Variants in NAALADL2 observed in about 807,000 individuals in gnomAD.
NAALADL2 encodes the protein N-acetylated alpha-linked acidic dipeptidase like 2.
A neutral mutation model predicts 87.2 loss-of-function variants in NAALADL2; 76 were observed. The ratio of observed to expected loss-of-function variants is 0.87; its 90% CI spans 0.72 to 1.05. NAALADL2 has a LOEUF of 1.05. NAALADL2 is among the 50% of genes least tolerant of loss of function. NAALADL2 has a pLI of 0.00. For synonymous variants in NAALADL2, 354 were observed against 331.0 expected (o/e 1.07, Z -0.75); for missense variants, 1,089 against 945.8 (o/e 1.15, Z -1.99).
intron 1 of NAALADL2, among the ~76,000 whole-genome samples, chr3:174,521,124 TG>T (rs1376965410): frequency 6.6e-6 from 1 of 152,124 alleles, no homozygotes; most frequent in Non-Finnish European, 1.5e-5. Context: ...GAACTAAAAA[TG>T]GAATTATTTA....
At position 175,423,108 on chromosome 3, in the gene NAALADL2, G is replaced by C. The variant is rs185665005; in HGVS notation, c.1091-24121G>C. On this transcript the variant is annotated intron_variant, in intron 5 of 13. Transcript: ENST00000454872. Reference sequence around the variant, plus strand: ...AAGAGGTTTATTTAGCTTTTAAAAAGATTTGCATGCATTTCAAAGGGAAAG... The same window carrying C: ...AAGAGGTTTATTTAGCTTTTAAAAACATTTGCATGCATTTCAAAGGGAAAG... Among the ~76,000 whole-genome samples, 49 of 138,122 alleles carry C rather than the reference G, an allele frequency of 3.5e-4. No homozygotes were observed. In the East Asian group the frequency reaches 0.01, roughly 29 times the overall value. 90.6% of individuals were successfully genotyped at this position (138,122 alleles called of 152,430 possible).
At chr3:174,701,846 G>A (rs907706607) in intron 2 of NAALADL2, among the ~76,000 whole-genome samples, 7 of 151,966 alleles carry the variant, frequency 4.6e-5, no homozygotes, top group South Asian at 2.1e-4. Flanking sequence ...TTCATGTGTC[G>A]GACATTTGGA....
At chr3:175,191,287 C>A (rs1261916881) in intron 2 of NAALADL2, among the ~76,000 whole-genome samples, 2 of 152,100 alleles carry the variant, frequency 1.3e-5, no homozygotes, top group Non-Finnish European at 2.9e-5. Flanking sequence ...ATAGCCAATT[C>A]AGGCACATTC....
intron 10 of NAALADL2, among the ~76,000 whole-genome samples, chr3:175,588,980 T>G (rs1325309635): frequency 6.6e-6 from 1 of 152,234 alleles, no homozygotes; most frequent in South Asian, 2.1e-4. Context: ...TGGTGTGTTT[T>G]ATAACCCATA....
Position 174,893,313 on chromosome 3 carries a change from C to G in NAALADL2, c.43+33863C>G, listed in dbSNP as rs1009954498. On this transcript the variant is annotated intron_variant, in intron 1 of 13. Transcript: ENST00000454872. Reference sequence around the variant, plus strand: ...AAATATCAAAGGGAGTACTTCAACCCCCCCCCGCAAAAAGTTATTATTGAG... The same window carrying G: ...AAATATCAAAGGGAGTACTTCAACCGCCCCCCGCAAAAAGTTATTATTGAG... 1.7e-4 allele frequency among the ~76,000 whole-genome samples: 24 copies of G among 142,430 alleles called. No individual in the cohort carries two copies. The South Asian group carries it at 5.4e-3, about 32-fold the overall frequency. The allele number at this position is 142,430 out of a possible 152,430, so 93.4% of individuals were successfully genotyped here.
chr3:175,745,059 G>A (rs767103646), intron 12 of NAALADL2, among the ~76,000 whole-genome samples: 5 of 151,804 alleles, frequency 3.3e-5, no homozygotes, highest in East Asian at 3.9e-4. Flanking sequence ...CATTTTCAAC[G>A]GTGTAATTTT....
intron 3 of NAALADL2, among the ~76,000 whole-genome samples, chr3:174,738,433 G>A (rs1659222128): frequency 6.6e-6 from 1 of 152,146 alleles, no homozygotes; most frequent in African/African-American, 2.4e-5. Context: ...TAAGGAGTTA[G>A]ATTAAATAAG....
chr3:174,927,839 G>T (rs1736308020), intron 1 of NAALADL2, among the ~76,000 whole-genome samples: 1 of 152,056 alleles, frequency 6.6e-6, no homozygotes, highest in South Asian at 2.1e-4. Flanking sequence ...GCTAGCAGAA[G>T]GCAGGAAATA....
chr3:174,698,812 C>T (rs973043144), intron 2 of NAALADL2, among the ~76,000 whole-genome samples: 1 of 98,902 alleles, frequency 1.0e-5, no homozygotes, highest in Non-Finnish European at 1.7e-5. Flanking sequence ...TGCAGTGAGC[C>T]GAGATCCCGC....
At chr3:174,878,296 ATTAG>A (rs1432406265) in intron 1 of NAALADL2, among the ~76,000 whole-genome samples, 3 of 152,074 alleles carry the variant, frequency 2.0e-5, no homozygotes, top group African/African-American at 7.2e-5. Context: ...ATTTCTATAT[ATTAG>A]TTAATGCCAT....
chr3:175,301,365 A>G (rs975070422), intron 4 of NAALADL2, among the ~76,000 whole-genome samples: 4 of 152,164 alleles, frequency 2.6e-5, no homozygotes, highest in African/African-American at 9.7e-5. Flanking sequence ...CATGGCACAT[A>G]TATACCTATG....
intron 10 of NAALADL2, among the ~76,000 whole-genome samples, chr3:175,617,545 G>A (rs1164332378): frequency 6.6e-6 from 1 of 152,148 alleles, no homozygotes; most frequent in East Asian, 1.9e-4. Flanking sequence ...AGGGATTCTG[G>A]GGTTTGTAAG....
chr3:175,354,020 A>G (rs894149038), intron 5 of NAALADL2, among the ~76,000 whole-genome samples: 1 of 152,186 alleles, frequency 6.6e-6, no homozygotes, highest in African/African-American at 2.4e-5. Flanking sequence ...TTTTTCTCTT[A>G]TAAACTTGTG....
chr3:174,451,604 G>T (rs1356177662), intron 1 of NAALADL2, among the ~76,000 whole-genome samples: 1 of 152,042 alleles, frequency 6.6e-6, no homozygotes, highest in Non-Finnish European at 1.5e-5. Context: ...TTACTGTTTG[G>T]TTAAAAAAGG....
intron 13 of NAALADL2, among the ~76,000 whole-genome samples, chr3:175,790,155 T>G (rs1310065899): frequency 6.6e-6 from 1 of 152,196 alleles, no homozygotes; most frequent in Non-Finnish European, 1.5e-5. Context: ...GGTTTATATA[T>G]GCATTGATTA....
intron 1 of NAALADL2, among the ~76,000 whole-genome samples, chr3:174,458,911 A>T (rs1249312692): frequency 6.6e-6 from 1 of 152,032 alleles, no homozygotes; most frequent in Admixed American, 6.6e-5. Context: ...TCAAGCCTCT[A>T]TTATGTTTCC....
chr3:174,969,861 C>T (rs752535909), intron 1 of NAALADL2, among the ~76,000 whole-genome samples: 1 of 152,084 alleles, frequency 6.6e-6, no homozygotes, highest in Non-Finnish European at 1.5e-5. Context: ...AAGACCTAAA[C>T]ATAAAGCATT....
intron 3 of NAALADL2, among the ~76,000 whole-genome samples, chr3:174,784,374 G>C (rs1716351244): frequency 6.6e-6 from 1 of 152,070 alleles, no homozygotes; most frequent in African/African-American, 2.4e-5. Flanking sequence ...GTACAGCTCA[G>C]CTATTTGTTG....
At chr3:175,760,991 C>A (rs1747933412) in intron 13 of NAALADL2, among the ~76,000 whole-genome samples, 1 of 152,154 alleles carries the variant, frequency 6.6e-6, no homozygotes, top group Admixed American at 6.5e-5. Context: ...TTGTTAATAT[C>A]TTGCAGTAGT....
Sources: gnomAD v4.1 joint callset for allele counts (sites outside exome capture counted in the v4.1 genomes callset) on GRCh38, gnomAD v4.1.1 for gene constraint, MANE v1.5 for transcripts, NCBI Gene and HGNC (gene_info 2026-07-23, HGNC 2026-07-21) for gene names.